Variants in SEMA3A observed in about 807,000 individuals in gnomAD.
The protein encoded by SEMA3A is semaphorin 3A.
SEMA3A carries 29 observed loss-of-function variants against 97.9 expected under a neutral mutation model. That is an observed-to-expected ratio of 0.30 (90% CI 0.22 to 0.40). The LOEUF (loss-of-function observed/expected upper bound fraction) is 0.40. Among genes scored for constraint, SEMA3A ranks in the 10% least tolerant of loss-of-function variants. SEMA3A has a pLI of 1.00. For missense variants in SEMA3A, 763 were observed against 951.3 expected (o/e 0.80, Z 2.60); for synonymous variants, 321 against 323.7 (o/e 0.99, Z 0.09).
chr7:84,424,900 T>C (rs1166007069), intron 1 of SEMA3A, among the ~76,000 whole-genome samples: 4 of 65,234 alleles, frequency 6.1e-5, no homozygotes, highest in Admixed American at 3.0e-4. Context: ...AAATAATTTA[T>C]ATAAACATAA....
intron 1 of SEMA3A, among the ~76,000 whole-genome samples, chr7:84,465,503 C>G (rs911654909): frequency 5.3e-5 from 8 of 151,908 alleles, no homozygotes; most frequent in Admixed American, 2.0e-4. Flanking sequence ...ATGCTATTAC[C>G]ACATACATAA....
intron 2 of SEMA3A, among the ~76,000 whole-genome samples, chr7:84,334,479 G>A (rs1387910080): frequency 1.3e-5 from 2 of 151,864 alleles, no homozygotes; most frequent in Non-Finnish European, 2.9e-5. Flanking sequence ...TAAACTAATG[G>A]CTTGTAATAA....
chr7:84,376,080 T>A (rs1803088916), intron 1 of SEMA3A, among the ~76,000 whole-genome samples: 1 of 152,202 alleles, frequency 6.6e-6, no homozygotes. Flanking sequence ...AGACCAGTTT[T>A]TTATTCACTC....
intron 1 of SEMA3A, among the ~76,000 whole-genome samples, chr7:84,408,527 G>A (rs1804170013): frequency 6.6e-6 from 1 of 152,058 alleles, no homozygotes; most frequent in Non-Finnish European, 1.5e-5. Flanking sequence ...ATCTGACCCA[G>A]CCATCCCATT....
At chr7:84,233,875 A>G (rs1057106599) in intron 3 of SEMA3A, among the ~76,000 whole-genome samples, 1 of 152,038 alleles carries the variant, frequency 6.6e-6, no homozygotes, top group Non-Finnish European at 1.5e-5. Context: ...CCTGGTAGAA[A>G]TGCAACATTA....
chr7:84,410,552 G>A (rs1804236033), intron 1 of SEMA3A, among the ~76,000 whole-genome samples: 1 of 152,052 alleles, frequency 6.6e-6, no homozygotes, highest in South Asian at 2.1e-4. Flanking sequence ...TCCAATAAAG[G>A]AATAGAGTGT....
At chr7:84,381,805 G>T (rs1017669797) in intron 1 of SEMA3A, among the ~76,000 whole-genome samples, 3 of 152,178 alleles carry the variant, frequency 2.0e-5, no homozygotes, top group African/African-American at 7.2e-5. Context: ...AGCAAATACA[G>T]TTGATTGGAT....
chr7:84,378,407 C>T (rs1803163731), intron 1 of SEMA3A, among the ~76,000 whole-genome samples: 1 of 152,094 alleles, frequency 6.6e-6, no homozygotes, highest in Admixed American at 6.6e-5. Context: ...ATGTCCTTTG[C>T]AGGGACATGG....
intron 3 of SEMA3A, among the ~76,000 whole-genome samples, chr7:84,249,368 C>CATCTATCT (rs60537339): frequency 0.35 from 49,589 of 142,902 alleles, 8,922 homozygotes; most frequent in East Asian, 0.44. Context: ...CTCTGTCTAT[C>CATCTATCT]ATCTATCTAT....
At chr7:84,193,517 G>A (rs951244647) in intron 1 of SEMA3A, among the ~76,000 whole-genome samples, 8 of 152,024 alleles carry the variant, frequency 5.3e-5, no homozygotes, top group Admixed American at 3.3e-4. Context: ...AACTACTTGA[G>A]TTAAAACAGT....
intron 12 of SEMA3A, among the ~76,000 whole-genome samples, chr7:83,993,722 G>A (rs1311067765): frequency 1.9e-5 from 2 of 103,872 alleles, no homozygotes; most frequent in South Asian, 3.3e-4. Flanking sequence ...AGGGTAACCC[G>A]ACCTTTCTCT....
intron 1 of SEMA3A, among the ~76,000 whole-genome samples, chr7:84,160,218 AATCT>A (rs1341056928): frequency 2.8e-5 from 4 of 142,356 alleles, no homozygotes; most frequent in Admixed American, 7.5e-5. Flanking sequence ...AAAAACTATC[AATCT>A]GTCTATCTAT....
rs199680489 is a variant in SEMA3A at position 84,051,039 on chromosome 7, G to T, written c.548-4596C>A. On this transcript the variant is annotated intron_variant, in intron 5 of 16. Coordinates refer to ENST00000265362, the MANE Select transcript of SEMA3A (RefSeq NM_006080.3). ...AGTTGTAGATATGTGGCATTATTTC[G>T]GAGGGCTCTGTTCTGTTCCATTGAT... Among the ~76,000 whole-genome samples the T allele has an allele frequency of 2.4e-3, 368 of 150,846 alleles. 2 individuals carry two copies. The highest frequency in any genetic ancestry group is 8.1e-3 in the African/African-American group (332 of 41,148).
intron 3 of SEMA3A, among the ~76,000 whole-genome samples, chr7:84,203,524 ATATTT>A (rs532646813): frequency 0.062 from 2,635 of 42,694 alleles, 28 homozygotes; most frequent in Non-Finnish European, 0.081. Flanking sequence ...ATATATATAT[ATATTT>A]TTTTTTTTTT....
At chr7:84,271,323 G>T (rs1482433370) in intron 3 of SEMA3A, among the ~76,000 whole-genome samples, 1 of 151,948 alleles carries the variant, frequency 6.6e-6, no homozygotes, top group Non-Finnish European at 1.5e-5. Flanking sequence ...ATGTAGCTGG[G>T]ACTACAGGTG....
At chr7:83,991,917 C>T (rs1225030291) in intron 12 of SEMA3A, among the ~76,000 whole-genome samples, 1 of 148,086 alleles carries the variant, frequency 6.8e-6, no homozygotes, top group African/African-American at 2.5e-5. Context: ...CCTTGTACCT[C>T]TGTTAGAATT....
chr7:84,060,941 T>C (rs1793192509), intron 4 of SEMA3A, among the ~76,000 whole-genome samples: 1 of 152,240 alleles, frequency 6.6e-6, no homozygotes, highest in East Asian at 1.9e-4. Flanking sequence ...CCTTCCTTTG[T>C]AGAAAAGAAA....
intron 15 of SEMA3A, among the ~76,000 whole-genome samples, chr7:83,967,020 T>TG (rs1335105046): frequency 6.6e-6 from 1 of 152,106 alleles, no homozygotes; most frequent in African/African-American, 2.4e-5. Context: ...CAAAAGTAAA[T>TG]TTTTATTGGA....
At chr7:84,089,908 T>C (rs1470787860) in intron 4 of SEMA3A, among the ~76,000 whole-genome samples, 1 of 152,018 alleles carries the variant, frequency 6.6e-6, no homozygotes, top group Non-Finnish European at 1.5e-5. Flanking sequence ...TTGATACATT[T>C]AATAACTATA....
Sources: allele counts gnomAD v4.1 joint callset (sites outside exome capture counted in the v4.1 genomes callset), GRCh38; gene constraint gnomAD v4.1.1; transcripts MANE v1.5; gene names NCBI Gene and HGNC (gene_info 2026-07-23, HGNC 2026-07-21).